The following DLG2 variants were observed in gnomAD, a reference collection of about 807,000 sequenced individuals.
DLG2 encodes the protein discs large MAGUK scaffold protein 2.
DLG2 carries 45 observed loss-of-function variants against 132.5 expected under a neutral mutation model. The observed-to-expected ratio is 0.34, with a 90% CI of 0.27 to 0.44. The LOEUF is 0.44. Ranked by LOEUF, DLG2 falls within the 20% of genes least tolerant of loss-of-function variation. The pLI is 1.00. For missense variants in DLG2, 1,045 were observed against 1,196.9 expected (o/e 0.87, Z 1.87); for synonymous variants, 424 against 419.6 (o/e 1.01, Z -0.13).
intron 4 of DLG2, among the ~76,000 whole-genome samples, chr11:85,180,862 CTG>C (rs1167916291): frequency 6.6e-6 from 1 of 151,746 alleles, no homozygotes; most frequent in African/African-American, 2.4e-5. Context: ...GATAAAGAAA[CTG>C]AGGTTTCTGA....
At chr11:84,805,386 A>AG (rs1235915975) in intron 6 of DLG2, among the ~76,000 whole-genome samples, 1 of 152,154 alleles carries the variant, frequency 6.6e-6, no homozygotes, top group Non-Finnish European at 1.5e-5. Flanking sequence ...CCTAAAGTAG[A>AG]GAAAAAAAAA....
chr11:85,059,164 G>C lies in DLG2; in HGVS notation c.357+52497C>G, dbSNP rs1002151952. 3.4e-5 allele frequency among the ~76,000 whole-genome samples: 5 copies of C among 145,046 alleles called. No homozygotes were observed. The East Asian group carries it at 9.8e-4, about 28-fold the overall frequency. On this transcript the variant is annotated intron_variant, in intron 6 of 27. Transcript: ENST00000376104. ...AATCAGTAAAATAAATAAGATAAAAGAAAACCCAGACCGATAAATATATAG... is the reference window on the plus strand; with the variant it reads ...AATCAGTAAAATAAATAAGATAAAACAAAACCCAGACCGATAAATATATAG...
chr11:84,479,765 C>A (rs1204887448), intron 7 of DLG2, among the ~76,000 whole-genome samples: 1 of 151,954 alleles, frequency 6.6e-6, no homozygotes, highest in Admixed American at 6.6e-5. Flanking sequence ...TTATTTGGAG[C>A]TTCAGTATAA....
Position 84,788,100 on chromosome 11 carries a change from CAAAAA to C in DLG2, c.358-253374_358-253370del, listed in dbSNP as rs139086655. On this transcript the variant is annotated intron_variant, in intron 6 of 27. Transcript: ENST00000376104. ...TGGGTGACAGAGTGTGAATATGTCT[CAAAAA>C]AAAAAAAAAAAAAAAAAAAAGAAGA... Among the ~76,000 whole-genome samples, 14 of 45,670 alleles carry C rather than the reference CAAAAA, an allele frequency of 3.1e-4. No homozygotes were observed. The East Asian group carries it at 7.5e-3, about 24-fold the overall frequency. 30.0% of individuals were successfully genotyped at this position (45,670 alleles called of 152,430 possible).
In DLG2 at chr11:85,044,837, T is replaced by C. The variant is rs144846610; in HGVS notation, c.357+66824A>G. On this transcript the variant is annotated intron_variant, in intron 6 of 27. Coordinates refer to ENST00000376104, the MANE Select transcript of DLG2 (RefSeq NM_001142699.3). Reference sequence around the variant, plus strand: ...TAATTTAAAAGTCAGAGACTACTATTTTCATGAAAATGTTTATAGGAGTTT... The same window carrying C: ...TAATTTAAAAGTCAGAGACTACTATCTTCATGAAAATGTTTATAGGAGTTT... Among the ~76,000 whole-genome samples, 4 of 152,160 alleles carry C rather than the reference T, an allele frequency of 2.6e-5. No homozygotes were observed. The East Asian group carries it at 7.7e-4, about 29-fold the overall frequency.
intron 2 of DLG2, among the ~76,000 whole-genome samples, chr11:85,603,561 CT>C (rs200806581): frequency 9.4e-5 from 14 of 149,730 alleles, no homozygotes; most frequent in Admixed American, 2.0e-4. Context: ...TAACTAAAGC[CT>C]TTTTTTTTAA....
chr11:84,735,895 G>T (rs1349171789), intron 6 of DLG2, among the ~76,000 whole-genome samples: 1 of 151,832 alleles, frequency 6.6e-6, no homozygotes, highest in Non-Finnish European at 1.5e-5. Context: ...TTGAATACCA[G>T]AAGTTTTTAT....
rs181653641 is a variant in DLG2 at position 84,839,650 on chromosome 11, A to G, written c.357+272011T>C. On this transcript the variant is annotated intron_variant, in intron 6 of 27. Transcript: ENST00000376104. ...GGTACTAGTACCAAAACAGTTATCT[A>G]GACCAATAGAACAGAACAGAGGCCT... 5.3e-5 allele frequency among the ~76,000 whole-genome samples: 8 copies of G among 152,300 alleles called. No homozygotes were observed. The East Asian group carries it at 9.7e-4, about 18-fold the overall frequency.
chr11:85,430,258 C>T (rs1057457375), intron 3 of DLG2, among the ~76,000 whole-genome samples: 8 of 151,148 alleles, frequency 5.3e-5, no homozygotes, highest in African/African-American at 1.5e-4. Context: ...TGTTAAATGA[C>T]GAGTTGATGG....
At chr11:85,372,750 G>T (rs906220997) in intron 3 of DLG2, among the ~76,000 whole-genome samples, 2 of 152,206 alleles carry the variant, frequency 1.3e-5, no homozygotes, top group African/African-American at 4.8e-5. Context: ...AGCCACTTTG[G>T]CACTCATGGC....
chr11:84,287,986 A>AG (rs5793119), intron 7 of DLG2, among the ~76,000 whole-genome samples: 142,483 of 151,946 alleles, frequency 0.94, 67,184 homozygotes, highest in Non-Finnish European at 0.97. Context: ...AACGGGAGAG[A>AG]GCAGTCCTTG....
chr11:84,948,036 G>A (rs761401220), intron 6 of DLG2, among the ~76,000 whole-genome samples: 2 of 152,196 alleles, frequency 1.3e-5, no homozygotes, highest in Non-Finnish European at 2.9e-5. Context: ...AAGGAGAGAA[G>A]TATTCTACCT....
At chr11:85,212,721 A>C (rs2082329758) in intron 4 of DLG2, among the ~76,000 whole-genome samples, 1 of 152,160 alleles carries the variant, frequency 6.6e-6, no homozygotes, top group African/African-American at 2.4e-5. Context: ...TTTAAGTGCT[A>C]GGCAACTAAG....
At chr11:83,545,660 C>A (rs1430285320) in intron 19 of DLG2, among the ~76,000 whole-genome samples, 1 of 152,080 alleles carries the variant, frequency 6.6e-6, no homozygotes, top group Admixed American at 6.6e-5. Context: ...CGCCTGTGTT[C>A]TTCTATTCCC....
chr11:85,405,362 C>A (rs1440689587), intron 3 of DLG2, among the ~76,000 whole-genome samples: 1 of 151,936 alleles, frequency 6.6e-6, no homozygotes, highest in Non-Finnish European at 1.5e-5. Flanking sequence ...AAGATTTTGT[C>A]TTCTGTGAGT....
intron 6 of DLG2, among the ~76,000 whole-genome samples, chr11:84,967,667 T>C (rs2053529736): frequency 6.6e-6 from 1 of 152,116 alleles, no homozygotes; most frequent in South Asian, 2.1e-4. Flanking sequence ...ATGATATACC[T>C]GCAGATAATT....
chr11:84,949,682 A>G (rs2050679651), intron 6 of DLG2, among the ~76,000 whole-genome samples: 1 of 152,190 alleles, frequency 6.6e-6, no homozygotes, highest in Non-Finnish European at 1.5e-5. Flanking sequence ...CGGCAGTCAG[A>G]GTTTAAGGTT....
intron 6 of DLG2, among the ~76,000 whole-genome samples, chr11:84,735,186 T>A (rs1384311925): frequency 6.6e-6 from 1 of 152,196 alleles, no homozygotes; most frequent in Non-Finnish European, 1.5e-5. Context: ...TCTTTTTCTA[T>A]TGATTGGAAT....
intron 6 of DLG2, among the ~76,000 whole-genome samples, chr11:84,674,566 A>T (rs184162074): frequency 4.4e-4 from 67 of 152,202 alleles, no homozygotes; most frequent in African/African-American, 1.6e-3. Flanking sequence ...ACAATATTTT[A>T]CACAAAACAA....
Sources: gnomAD v4.1 joint callset for allele counts (sites outside exome capture counted in the v4.1 genomes callset) on GRCh38, gnomAD v4.1.1 for gene constraint, MANE v1.5 for transcripts, NCBI Gene and HGNC (gene_info 2026-07-23, HGNC 2026-07-21) for gene names.